The following DMD variants were observed in gnomAD, a reference collection of about 807,000 sequenced individuals.
The protein encoded by DMD is mutant dystrophin.
A neutral mutation model predicts 330.1 loss-of-function variants in DMD; 63 were observed. That is an observed-to-expected ratio of 0.19 (90% CI 0.16 to 0.24). DMD has a LOEUF of 0.24. Among genes scored for constraint, DMD ranks in the 10% least tolerant of loss-of-function variants. The pLI is 1.00. For missense variants in DMD, 3,344 were observed against 2,684.1 expected (o/e 1.25, Z -5.43); for synonymous variants, 1,223 against 959.8 (o/e 1.27, Z -5.07).
chrX:32,257,668 A>C (rs1428829768), intron 43 of DMD, among the ~76,000 whole-genome samples: 1 of 111,742 alleles, frequency 8.9e-6, no homozygotes, highest in Non-Finnish European at 1.9e-5. Flanking sequence ...AAATCAACTC[A>C]AGATGCATTA....
In DMD at chrX:32,204,629, A is replaced by G. The variant is rs1429308672; in HGVS notation, c.6438+12287T>C. On this transcript the variant is annotated intron_variant, in intron 44 of 78. Coordinates refer to ENST00000357033, the MANE Select transcript of DMD (RefSeq NM_004006.3). ...TGTGTTAGTCCCTTCTTGCATTGCT[A>G]TAAAGAAATACCTGAAACTGGGTGC... Among the ~76,000 whole-genome samples the G allele has an allele frequency of 2.7e-5, 3 of 111,167 alleles. No homozygotes were observed. The Admixed American group carries it at 2.9e-4, about 11-fold the overall frequency.
chrX:31,174,548 C>T (rs753541153), intron 71 of DMD, among the ~76,000 whole-genome samples: 10 of 110,968 alleles, frequency 9.0e-5, no homozygotes, highest in Non-Finnish European at 1.5e-4. Context: ...TGGAATAGCA[C>T]AAAAGGTCTC....
At chrX:31,537,599 C>G (rs1395592974) in intron 55 of DMD, among the ~76,000 whole-genome samples, 1 of 111,739 alleles carries the variant, frequency 8.9e-6, no homozygotes, top group Non-Finnish European at 1.9e-5. Flanking sequence ...ATCTTCTTGC[C>G]TCCAGTTTGC....
intron 13 of DMD, among the ~76,000 whole-genome samples, chrX:32,576,357 A>G (rs964236664): frequency 3.6e-5 from 4 of 110,577 alleles, no homozygotes; most frequent in African/African-American, 1.3e-4. Flanking sequence ...CATAAAGAAA[A>G]CCCTTCACAG....
intron 1 of DMD, among the ~76,000 whole-genome samples, chrX:33,319,340 C>T (rs2053980720): frequency 9.0e-6 from 1 of 111,364 alleles, no homozygotes; most frequent in African/African-American, 3.3e-5. Flanking sequence ...AGCATCACTA[C>T]ATCCATAATC....
intron 1 of DMD, among the ~76,000 whole-genome samples, chrX:33,307,693 AAAATAT>A (rs1945509066): frequency 9.0e-6 from 1 of 111,693 alleles, no homozygotes; most frequent in Non-Finnish European, 1.9e-5. Flanking sequence ...CATCTCAGAA[AAAATAT>A]AAATATATAG....
At chrX:33,040,888 T>A (rs1428262456) in intron 1 of DMD, among the ~76,000 whole-genome samples, 2 of 111,869 alleles carry the variant, frequency 1.8e-5, no homozygotes, top group Non-Finnish European at 3.8e-5. Context: ...ATAACCTATA[T>A]GCTTGAACTA....
intron 55 of DMD, among the ~76,000 whole-genome samples, chrX:31,619,250 A>C (rs1334230546): frequency 9.0e-6 from 1 of 111,670 alleles, no homozygotes; most frequent in Admixed American, 9.6e-5. Flanking sequence ...GCAATAGATA[A>C]ATTACTTAAC....
intron 1 of DMD, among the ~76,000 whole-genome samples, chrX:33,049,550 G>A (rs2094431613): frequency 9.0e-6 from 1 of 110,710 alleles, no homozygotes; most frequent in African/African-American, 3.3e-5. Flanking sequence ...TGAGAGATAG[G>A]TGGGGCAGGT....
chrX:32,272,542 C>A (rs1804797656), intron 43 of DMD, among the ~76,000 whole-genome samples: 1 of 112,019 alleles, frequency 8.9e-6, no homozygotes, highest in Admixed American at 9.5e-5. Flanking sequence ...AATCCTTGAG[C>A]ATAAGAAATC....
intron 1 of DMD, among the ~76,000 whole-genome samples, chrX:33,028,685 G>T (rs1388537956): frequency 8.9e-6 from 1 of 111,814 alleles, no homozygotes; most frequent in African/African-American, 3.2e-5. Flanking sequence ...TATCTCCCTG[G>T]CATAACTTAT....
chrX:33,191,277 T>C (rs759170764), intron 1 of DMD, among the ~76,000 whole-genome samples: 218 of 107,714 alleles, frequency 2.0e-3, no homozygotes, highest in African/African-American at 6.8e-3. Flanking sequence ...TGCCTGTATG[T>C]TCTGATTTCA....
chrX:32,816,336 G>T, intron 6 of DMD, 132 bp downstream of exon 6: 2 of 672,872 alleles, frequency 3.0e-6, no homozygotes. Flanking sequence ...TGGAACGTTA[G>T]ATCAATGTGG....
chrX:32,448,621 G>A lies in DMD; in HGVS notation c.3621C>T (p.Ala1207=), dbSNP rs1400461606. Residue 1207 remains alanine (A), a synonymous_variant, in exon 27 of 79, where the codon GCC becomes GCT. Coordinates refer to ENST00000357033, the MANE Select transcript of DMD (RefSeq NM_004006.3). ...GTTTCACTTTCGCTTCTTTTTGTTG[G>A]GCCTCTTCTTTAGCTCTCTGAAAAA... ...VEEMKRAKEE[A]QQKEAKVKLL... is the part of the protein sequence containing the mutation. The A allele has an allele frequency of 8.3e-7, 1 of 1,205,273 alleles. No homozygotes were observed. The highest frequency in any genetic ancestry group is 1.1e-6 in the Non-Finnish European group (1 of 891,972).
chrX:32,260,882 A>ATCAAAGCTTCCTAATGTTTACAGGTGGTG (rs1313650037), intron 43 of DMD, among the ~76,000 whole-genome samples: 3 of 111,974 alleles, frequency 2.7e-5, no homozygotes, highest in Non-Finnish European at 3.8e-5. Context: ...ATTTTAGAGA[A>ATCAAAGCTTCCTAATGTTTACAGGTGGTG]AATAAGTACA....
At chrX:31,474,432 C>T (rs73212372) in intron 59 of DMD, among the ~76,000 whole-genome samples, 5,539 of 109,678 alleles carry the variant, frequency 0.051, 129 homozygotes, top group Middle Eastern at 0.084. Context: ...TAGCTAGCTG[C>T]CTAGTTATCA....
At chrX:31,178,420 T>C in intron 70 of DMD, 1 of 949,934 alleles carries the variant, frequency 1.1e-6, no homozygotes. Context: ...TTAGTGGCTG[T>C]ATTGTGTTGT....
At chrX:31,887,876 T>A (rs954874151) in intron 47 of DMD, among the ~76,000 whole-genome samples, 1 of 112,523 alleles carries the variant, frequency 8.9e-6, no homozygotes, top group African/African-American at 3.2e-5. Context: ...TAGCATTTGT[T>A]AAATGAACAA....
At position 31,204,044 on chromosome X, in the gene DMD, T is replaced by C. The variant is rs762665106; in HGVS notation, c.9724A>G (p.Ile3242Val). 1 of 1,210,911 alleles carries C rather than the reference T, an allele frequency of 8.3e-7. No individual in the cohort carries two copies. The highest frequency in any genetic ancestry group is 1.8e-5 in the South Asian group (1 of 56,963). Reference protein sequence around the residue: ...RRLGLLLHDSIQIPRQLGEVA... With the variant: ...RRLGLLLHDSVQIPRQLGEVA... ...TCACCCAACTGTCTTGGAATTTGGA[T>C]AGAATCATGCAGAAGGAGGCCCAGC... Residue 3242 changes from isoleucine (I) to valine (V), a missense_variant, in exon 67 of 79, where the codon ATC (isoleucine) becomes GTC (valine). Physicochemically the swap from Ile to Val is conservative, Grantham distance 29. Coordinates refer to ENST00000357033, the MANE Select transcript of DMD (RefSeq NM_004006.3).
Sources: gnomAD v4.1 joint callset for allele counts (sites outside exome capture counted in the v4.1 genomes callset) on GRCh38, gnomAD v4.1.1 for gene constraint, MANE v1.5 for transcripts, NCBI Gene and HGNC (gene_info 2026-07-23, HGNC 2026-07-21) for gene names.